The following ZBTB20 variants were observed in gnomAD, a reference collection of about 807,000 sequenced individuals.
ZBTB20 encodes the protein zinc finger and BTB domain containing 20.
ZBTB20 carries 9 observed loss-of-function variants against 56.9 expected under a neutral mutation model. The observed-to-expected ratio is 0.16, with a 90% CI of 0.10 to 0.28. The LOEUF (loss-of-function observed/expected upper bound fraction) is 0.28, where lower values mean the gene tolerates loss of function less well. Among genes scored for constraint, ZBTB20 ranks in the 10% least tolerant of loss-of-function variants. The probability of loss-of-function intolerance (pLI) is 1.00; values close to 1 mark genes in which losing one functional copy is unlikely to be tolerated. For missense variants in ZBTB20, 655 were observed against 1,003.0 expected (o/e 0.65, Z 4.69); for synonymous variants, 417 against 420.7 (o/e 0.99, Z 0.11).
chr3:114,478,717 T>C (rs565651450), intron 7 of ZBTB20, among the ~76,000 whole-genome samples: 5 of 152,298 alleles, frequency 3.3e-5, no homozygotes, highest in Admixed American at 2.0e-4. Context: ...GAGTAAGACA[T>C]AGACCCCGGA....
At chr3:114,787,148 AT>A (rs1351201025) in intron 5 of ZBTB20, among the ~76,000 whole-genome samples, 1 of 150,672 alleles carries the variant, frequency 6.6e-6, no homozygotes. Context: ...TCAATTAAAA[AT>A]TTTTTTTCCT....
chr3:114,342,811 A>G (rs2079885872), intron 11 of ZBTB20, among the ~76,000 whole-genome samples: 1 of 152,230 alleles, frequency 6.6e-6, no homozygotes, highest in Admixed American at 6.5e-5. Flanking sequence ...TAATCAGTAA[A>G]ACAAGTGATT....
intron 4 of ZBTB20, among the ~76,000 whole-genome samples, chr3:114,833,892 GAAAGGTTA>G (rs1052659477): frequency 2.0e-5 from 3 of 151,936 alleles, no homozygotes; most frequent in African/African-American, 7.3e-5. Context: ...ATAAGGCAAG[GAAAGGTTA>G]AAATAAGTTG....
intron 6 of ZBTB20, among the ~76,000 whole-genome samples, chr3:114,690,989 T>A (rs900804525): frequency 2.0e-5 from 3 of 152,052 alleles, no homozygotes; most frequent in Non-Finnish European, 2.9e-5. Flanking sequence ...GCAGGCAAAT[T>A]AGCATCCTAA....
At chr3:114,548,349 C>A (rs1577459213) in intron 6 of ZBTB20, among the ~76,000 whole-genome samples, 1 of 152,130 alleles carries the variant, frequency 6.6e-6, no homozygotes, top group South Asian at 2.1e-4. Context: ...ACCTTCAGTA[C>A]TGACCTTTTA....
chr3:114,861,686 CACACACACACACACAA>C (rs2075536731), intron 4 of ZBTB20: 2 of 67,496 alleles, frequency 3.0e-5, no homozygotes, highest in Non-Finnish European at 4.4e-5. Flanking sequence ...ACACCACACA[CACACACACACACACAA>C]ACACACACAC....
At position 114,635,950 on chromosome 3, in the gene ZBTB20, A is replaced by G. The variant is rs546727163; in HGVS notation, c.-295+57578T>C. ...ATCAACATCCAGATTCATGAAGTCC[A>G]AAGAGCTCCAAAGATCTACACCAAG... On this transcript the variant is annotated intron_variant, in intron 6 of 11. Coordinates refer to ENST00000675478, the MANE Select transcript of ZBTB20 (RefSeq NM_001348800.3). 1.5e-4 allele frequency among the ~76,000 whole-genome samples: 19 copies of G among 129,694 alleles called. No homozygotes were observed. The South Asian group carries it at 3.2e-3, about 22-fold the overall frequency. 85.1% of individuals were successfully genotyped at this position (129,694 alleles called of 152,430 possible). A position where few individuals can be genotyped will look rare whatever the true frequency, so the allele number is the denominator to read the frequency against.
chr3:114,464,427 T>G (rs978123032), intron 7 of ZBTB20, among the ~76,000 whole-genome samples: 2 of 152,200 alleles, frequency 1.3e-5, no homozygotes, highest in South Asian at 2.1e-4. Context: ...TTCTGCACAG[T>G]GATGGTGATG....
chr3:114,530,498 C>T (rs1183475557), intron 6 of ZBTB20, among the ~76,000 whole-genome samples: 1 of 152,072 alleles, frequency 6.6e-6, no homozygotes, highest in Non-Finnish European at 1.5e-5. Context: ...GATGAAATTG[C>T]CTAATGATGC....
intron 10 of ZBTB20, among the ~76,000 whole-genome samples, chr3:114,373,364 A>G (rs991530979): frequency 3.9e-5 from 6 of 152,248 alleles, no homozygotes; most frequent in African/African-American, 9.6e-5. Context: ...GAATTATAAC[A>G]ATAGACAATG....
At chr3:114,508,825 A>G (rs1205216339) in intron 6 of ZBTB20, among the ~76,000 whole-genome samples, 2 of 152,116 alleles carry the variant, frequency 1.3e-5, no homozygotes, top group Admixed American at 6.5e-5. Flanking sequence ...TAGTTATAGG[A>G]TATTGTTCTA....
intron 4 of ZBTB20, among the ~76,000 whole-genome samples, chr3:114,837,763 A>G (rs1342943126): frequency 1.3e-5 from 2 of 152,162 alleles, no homozygotes; most frequent in Non-Finnish European, 2.9e-5. Context: ...AGTCCAGCCA[A>G]TACTAAAGGA....
At chr3:115,132,456 A>C (rs1422399240) in intron 1 of ZBTB20, among the ~76,000 whole-genome samples, 1 of 152,222 alleles carries the variant, frequency 6.6e-6, no homozygotes, top group Non-Finnish European at 1.5e-5. Context: ...ACCATATATC[A>C]TCAGCAAGAG....
chr3:114,403,603 T>A (rs1350174648), intron 7 of ZBTB20, among the ~76,000 whole-genome samples: 1 of 151,976 alleles, frequency 6.6e-6, no homozygotes, highest in African/African-American at 2.4e-5. Flanking sequence ...GCATACATGT[T>A]GATCTAGTGA....
rs182432293 is a variant in ZBTB20 at position 115,092,636 on chromosome 3, T to C, written c.-702-21222A>G. Among the ~76,000 whole-genome samples the C allele has an allele frequency of 7.0e-4, 106 of 152,202 alleles. No homozygotes were observed. The East Asian group carries it at 0.016, about 23-fold the overall frequency. ...GAACTGCTTGCTATTGGCAAGGCAG[T>C]GGACACGGATCGCCTCTCCATCTAG... On this transcript the variant is annotated intron_variant, in intron 1 of 11. Coordinates refer to ENST00000675478, the MANE Select transcript of ZBTB20 (RefSeq NM_001348800.3).
chr3:114,880,230 C>G (rs2076347681), intron 4 of ZBTB20, among the ~76,000 whole-genome samples: 1 of 152,244 alleles, frequency 6.6e-6, no homozygotes, highest in African/African-American at 2.4e-5. Context: ...GACATCTCAA[C>G]TGTGCCAAGT....
intron 9 of ZBTB20, 135 bp from the exon 10 acceptor site, chr3:114,380,539 T>A: frequency 8.0e-7 from 1 of 1,247,058 alleles, no homozygotes; most frequent in Non-Finnish European, 1.1e-6. Flanking sequence ...TCCCTTGTTT[T>A]AAAACAAGCT....
intron 5 of ZBTB20, among the ~76,000 whole-genome samples, chr3:114,722,860 T>C (rs1198299759): frequency 1.3e-5 from 2 of 152,222 alleles, no homozygotes; most frequent in African/African-American, 4.8e-5. Context: ...TTCACAGCTC[T>C]GTTTCAGGTG....
At chr3:115,000,534 C>G (rs1451894308) in intron 2 of ZBTB20, among the ~76,000 whole-genome samples, 1 of 151,498 alleles carries the variant, frequency 6.6e-6, no homozygotes, top group Non-Finnish European at 1.5e-5. Context: ...TGCCCAACCC[C>G]TAGAAACACT....
Sources: gnomAD v4.1 joint callset for allele counts (sites outside exome capture counted in the v4.1 genomes callset) on GRCh38, gnomAD v4.1.1 for gene constraint, MANE v1.5 for transcripts, NCBI Gene and HGNC (gene_info 2026-07-23, HGNC 2026-07-21) for gene names.